DIS3L2: variants seen among roughly 807,000 people sequenced by gnomAD.
The protein encoded by DIS3L2 is DIS3-like exonuclease 2.
A neutral mutation model predicts 97.5 loss-of-function variants in DIS3L2; 34 were observed. The ratio of observed to expected loss-of-function variants is 0.35; its 90% CI spans 0.27 to 0.46. DIS3L2 has a LOEUF of 0.46. Ranked by LOEUF, DIS3L2 falls within the 20% of genes least tolerant of loss-of-function variation. The pLI, the probability that DIS3L2 is intolerant of heterozygous loss-of-function variation, is 1.00. For synonymous variants in DIS3L2, 435 were observed against 445.2 expected, an observed-to-expected ratio of 0.98 and a Z score of 0.29; for missense variants, 1,038 against 1,146.0, an observed-to-expected ratio of 0.91 and a Z score of 1.36.
Position 232,336,489 on chromosome 2 carries a change from G to A in DIS3L2, c.2517G>A (p.Leu839=). The A allele has an allele frequency of 2.5e-6, 4 of 1,611,374 alleles. No individual in the cohort carries two copies. The highest frequency in any genetic ancestry group is 3.4e-6 in the Non-Finnish European group (4 of 1,179,612). Residue 839 remains leucine (L), a synonymous_variant, in exon 21 of 21, where the codon CTG becomes CTA. Transcript: ENST00000325385. ...PAQQVITIFS[L]VEVVLQAEST... is the part of the protein sequence containing the mutation. ...CACAGGTCATCACCATCTTCAGCCT[G>A]GTGGAGGTGGTCCTGCAGGCAGAGT...
intron 9 of DIS3L2, among the ~76,000 whole-genome samples, chr2:232,189,437 T>A (rs2106193984): frequency 6.6e-6 from 1 of 152,362 alleles, no homozygotes; most frequent in Middle Eastern, 3.4e-3. Flanking sequence ...TGGATGGATC[T>A]TCAGTCTCAA....
intron 5 of DIS3L2, among the ~76,000 whole-genome samples, chr2:232,080,041 A>C (rs979815726): frequency 1.3e-5 from 2 of 152,242 alleles, no homozygotes; most frequent in African/African-American, 4.8e-5. Context: ...CCAAAATGGA[A>C]ATAAAGAGAC....
At chr2:231,983,505 G>A (rs1297188496) in intron 1 of DIS3L2, among the ~76,000 whole-genome samples, 1 of 152,206 alleles carries the variant, frequency 6.6e-6, no homozygotes, top group Non-Finnish European at 1.5e-5. Context: ...TGTCAGATCA[G>A]TGGTGGCATT....
intron 6 of DIS3L2, among the ~76,000 whole-genome samples, chr2:232,100,200 T>C (rs1381470079): frequency 6.7e-6 from 1 of 149,414 alleles, no homozygotes; most frequent in Non-Finnish European, 1.5e-5. Context: ...ATATTTTTTT[T>C]TTTTTTTTTT....
intron 9 of DIS3L2, among the ~76,000 whole-genome samples, chr2:232,195,739 C>G (rs929641792): frequency 6.6e-6 from 1 of 151,902 alleles, no homozygotes; most frequent in Non-Finnish European, 1.5e-5. Context: ...GGGATGAACC[C>G]CCACTCCCTG....
rs774656238 is a variant in DIS3L2, at chr2:232,136,481, A to G, written c.712A>G (p.Ile238Val). Reference protein sequence around the residue: ...SLQRSAKVVYILEKKHSRAAT... With the variant: ...SLQRSAKVVYVLEKKHSRAAT... ...TCTTTGGTGTTTTTAGGTGGTTTAC[A>G]TCTTGGAGAAAAAACATTCTCGAGC... is the stretch of plus-strand genomic sequence containing the variant. Residue 238 changes from isoleucine (I) to valine (V), a missense_variant, in exon 8 of 21, where the codon ATC (isoleucine) becomes GTC (valine). Coordinates refer to ENST00000325385, the MANE Select transcript of DIS3L2 (RefSeq NM_152383.5). 15 of 1,613,876 alleles carry G rather than the reference A, an allele frequency of 9.3e-6. No individual in the cohort carries two copies. The East Asian group carries it at 3.3e-4, about 36-fold the overall frequency.
intron 1 of DIS3L2, among the ~76,000 whole-genome samples, chr2:232,005,627 T>C (rs746733771): frequency 1.3e-5 from 2 of 152,338 alleles, no homozygotes; most frequent in Admixed American, 6.5e-5. Flanking sequence ...TCCAGATTCC[T>C]ACTCCTCCCA....
At chr2:232,129,981 T>G (rs1698172109) in intron 6 of DIS3L2, among the ~76,000 whole-genome samples, 1 of 152,228 alleles carries the variant, frequency 6.6e-6, no homozygotes, top group African/African-American at 2.4e-5. Context: ...ACTGCCTCTT[T>G]CCTCAGGAGA....
intron 8 of DIS3L2, among the ~76,000 whole-genome samples, chr2:232,147,283 C>CT (rs1248919934): frequency 6.6e-6 from 1 of 152,060 alleles, no homozygotes; most frequent in Admixed American, 6.5e-5. Context: ...TAAAAATAAA[C>CT]TTTATGTTTC....
At chr2:232,181,784 G>T (rs1691281940) in intron 9 of DIS3L2, among the ~76,000 whole-genome samples, 1 of 151,838 alleles carries the variant, frequency 6.6e-6, no homozygotes, top group Non-Finnish European at 1.5e-5. Flanking sequence ...ATACAGGCGT[G>T]CATCATCACA....
chr2:232,295,167 C>T (rs910666609), intron 13 of DIS3L2, among the ~76,000 whole-genome samples: 2 of 152,106 alleles, frequency 1.3e-5, no homozygotes. Flanking sequence ...CTGTGGCCTC[C>T]GAATACTCCC....
intron 3 of DIS3L2, among the ~76,000 whole-genome samples, chr2:232,019,498 G>A (rs1694453154): frequency 6.6e-6 from 1 of 151,716 alleles, no homozygotes; most frequent in African/African-American, 2.4e-5. Flanking sequence ...TGGTAGGTAA[G>A]TCATGATCAT....
chr2:232,057,543 C>T (rs894394918), intron 5 of DIS3L2, among the ~76,000 whole-genome samples: 2 of 151,912 alleles, frequency 1.3e-5, no homozygotes, highest in Non-Finnish European at 2.9e-5. Flanking sequence ...TTCTTGCTGC[C>T]CTTGAAGAAA....
rs1279900554 is a variant in DIS3L2, at chr2:232,292,388, G to T, written c.1660-7652G>T. ...CCACCTGTTGCCATCTGCTGGGAGG[G>T]TCGCCTTGCTGTCTCCATTGTCATC... is the stretch of plus-strand genomic sequence containing the variant. On this transcript the variant is annotated intron_variant, in intron 13 of 20. Coordinates refer to ENST00000325385, the MANE Select transcript of DIS3L2 (RefSeq NM_152383.5). The surrounding 1 kb of genome is among the most constrained non-coding windows in gnomAD (Gnocchi z 4.4). Among the ~76,000 whole-genome samples, 2 of 152,148 alleles carry T rather than the reference G, an allele frequency of 1.3e-5. No homozygotes were observed. The highest frequency in any genetic ancestry group is 6.5e-5 in the Admixed American group (1 of 15,272).
chr2:232,018,288 A>AT (rs35371358), intron 3 of DIS3L2, among the ~76,000 whole-genome samples: 120,058 of 152,140 alleles, frequency 0.79, 48,203 homozygotes, highest in African/African-American at 0.93. Flanking sequence ...TCTGATCAAT[A>AT]TAACAACTCT....
intron 1 of DIS3L2, among the ~76,000 whole-genome samples, chr2:231,996,934 C>T: frequency 6.6e-6 from 1 of 152,182 alleles, no homozygotes; most frequent in East Asian, 1.9e-4. Context: ...TCAATAAAGG[C>T]TTTCCTGATG....
chr2:232,025,501 A>G (rs922877009), intron 4 of DIS3L2, among the ~76,000 whole-genome samples: 3 of 152,172 alleles, frequency 2.0e-5, no homozygotes, highest in East Asian at 3.8e-4. Flanking sequence ...ATTGAATTAG[A>G]TAAAAGGTAT....
chr2:232,021,789 A>G (rs1178156011), intron 3 of DIS3L2, among the ~76,000 whole-genome samples: 1 of 152,172 alleles, frequency 6.6e-6, no homozygotes, highest in South Asian at 2.1e-4. Context: ...ATGATGGGGA[A>G]GCAAAGAGAC....
intron 5 of DIS3L2, among the ~76,000 whole-genome samples, chr2:232,043,901 TTTCTC>T (rs1217170138): frequency 2.0e-5 from 3 of 152,234 alleles, no homozygotes; most frequent in Non-Finnish European, 2.9e-5. Flanking sequence ...TTTCAATAGA[TTTCTC>T]TTATGTCTTA....
Sources: gnomAD v4.1 joint callset for allele counts (sites outside exome capture counted in the v4.1 genomes callset) on GRCh38, gnomAD v4.1.1 for gene constraint, Gnocchi (gnomAD v3.1) non-coding constraint, MANE v1.5 for transcripts, NCBI Gene and HGNC (gene_info 2026-07-23, HGNC 2026-07-21) for gene names.